CNTN4: variants seen among roughly 807,000 people sequenced by gnomAD.
The protein encoded by CNTN4 is contactin 4, also known as contactin-4.
Under a neutral mutation model 122.5 loss-of-function variants are expected in CNTN4, and 77 were observed. The ratio of observed to expected loss-of-function variants is 0.63; its 90% confidence interval spans 0.52 to 0.76. The LOEUF (loss-of-function observed/expected upper bound fraction) is 0.76, where lower values mean the gene tolerates loss of function less well. Ranked by LOEUF, CNTN4 falls within the 30% of genes least tolerant of loss-of-function variation. CNTN4 has a pLI of 0.00. For synonymous variants in CNTN4, 512 were observed against 447.0 expected, an observed-to-expected ratio of 1.15 and a Z score of -1.83; for missense variants, 1,256 against 1,259.1, an observed-to-expected ratio of 1.00 and a Z score of 0.04.
At chr3:2,985,912 CTTT>C (rs762011820) in intron 13 of CNTN4, among the ~76,000 whole-genome samples, 12 of 129,902 alleles carry the variant, frequency 9.2e-5, no homozygotes, top group South Asian at 2.4e-4. Context: ...TAAGAGAATA[CTTT>C]TTTTTTTTTT....
chr3:2,627,490 CTTTT>C (rs869106549), intron 4 of CNTN4, among the ~76,000 whole-genome samples: 2 of 116,220 alleles, frequency 1.7e-5, no homozygotes, highest in East Asian at 2.7e-4. Flanking sequence ...CATTAAGTGT[CTTTT>C]TTTTTTTTTT....
chr3:2,573,924 A>C (rs2079539928), intron 4 of CNTN4, among the ~76,000 whole-genome samples: 1 of 152,080 alleles, frequency 6.6e-6, no homozygotes. Context: ...TTGATTTTTT[A>C]AACTGCTTTA....
intron 2 of CNTN4, among the ~76,000 whole-genome samples, chr3:2,290,274 G>C (rs548689369): frequency 6.6e-6 from 1 of 152,156 alleles, no homozygotes; most frequent in African/African-American, 2.4e-5. Context: ...ATGCAGGAAG[G>C]GGGAAGCCAG....
intron 10 of CNTN4, among the ~76,000 whole-genome samples, chr3:2,895,714 TA>T (rs377719667): frequency 4.6e-5 from 7 of 152,152 alleles, no homozygotes; most frequent in African/African-American, 1.7e-4. Flanking sequence ...AGAGACAATC[TA>T]AAGGCTAAAG....
chr3:2,955,279 G>T (rs344410), intron 13 of CNTN4, among the ~76,000 whole-genome samples: 82,074 of 152,008 alleles, frequency 0.54, 22,698 homozygotes, highest in East Asian at 0.74. Flanking sequence ...AGGCTAAAGT[G>T]CACCTAAATC....
At chr3:2,611,150 A>G (rs1299243056) in intron 4 of CNTN4, among the ~76,000 whole-genome samples, 2 of 151,972 alleles carry the variant, frequency 1.3e-5, no homozygotes, top group Non-Finnish European at 2.9e-5. Context: ...GGCAAGTTAC[A>G]TTGATTCAAA....
intron 6 of CNTN4, among the ~76,000 whole-genome samples, chr3:2,758,556 C>G (rs1296379954): frequency 1.4e-5 from 2 of 141,884 alleles, no homozygotes; most frequent in African/African-American, 5.2e-5. Context: ...CTCCCTCTGT[C>G]TGCTGGCGTG....
At chr3:2,773,783 C>T (rs1374948411) in intron 6 of CNTN4, among the ~76,000 whole-genome samples, 121 of 8,862 alleles carry the variant, frequency 0.014, no homozygotes, top group Non-Finnish European at 0.023. Flanking sequence ...TTTTTTGAGA[C>T]GGAGTCTCCC....
At chr3:2,765,737 T>C (rs1197664492) in intron 6 of CNTN4, among the ~76,000 whole-genome samples, 2 of 152,200 alleles carry the variant, frequency 1.3e-5, no homozygotes, top group Non-Finnish European at 2.9e-5. Context: ...TCCTACAGAT[T>C]GATAAAGCAA....
chr3:2,392,832 C>G (rs1450535962), intron 3 of CNTN4, among the ~76,000 whole-genome samples: 1 of 152,038 alleles, frequency 6.6e-6, no homozygotes, highest in African/African-American at 2.4e-5. Context: ...AACAAAGTAC[C>G]ACAAACTGGG....
rs887688987 is a variant in CNTN4, at chr3:2,925,894, T to G, written c.1358+115T>G. On this transcript the variant is annotated intron_variant, in intron 13 of 24. Coordinates refer to ENST00000418658, the MANE Select transcript of CNTN4 (RefSeq NM_175607.3). ...TATCTGCTGTTCCTGAACTAAGTGT[T>G]AAAAAAAGAACAGAAGCTTTGGAAG... is the stretch of plus-strand genomic sequence containing the variant. 8.0e-6 allele frequency: 7 copies of G among 877,354 alleles called. No individual in the cohort carries two copies. In the African/African-American group the frequency reaches 1.0e-4, roughly 13 times the overall value. 54.3% of individuals were successfully genotyped at this position (877,354 alleles called of 1,614,324 possible). A position where few individuals can be genotyped will look rare whatever the true frequency, so the allele number is the denominator to read the frequency against.
Position 2,385,854 on chromosome 3 carries a change from C to A in CNTN4, c.-89+46621C>A, listed in dbSNP as rs574538186. On this transcript the variant is annotated intron_variant, in intron 3 of 24. Transcript: ENST00000418658. The surrounding 1 kb of genome is among the most constrained non-coding windows in gnomAD (Gnocchi z 4.0). ...TCACACGTACCAGGGGTCAAGACTT[C>A]AACACATCTTTTTAGCGACACAATT... Among the ~76,000 whole-genome samples, 27 of 152,168 alleles carry A rather than the reference C, an allele frequency of 1.8e-4. No homozygotes were observed. The highest frequency in any genetic ancestry group is 6.3e-4 in the African/African-American group (26 of 41,540).
At chr3:2,443,102 C>G (rs1185638643) in intron 3 of CNTN4, among the ~76,000 whole-genome samples, 2 of 151,056 alleles carry the variant, frequency 1.3e-5, no homozygotes, top group Non-Finnish European at 2.9e-5. Flanking sequence ...GTGTGTTTAC[C>G]TGTGTAACAA....
rs567713989 is a variant in CNTN4 at position 2,644,128 on chromosome 3, C to A, written c.55+72570C>A. On this transcript the variant is annotated intron_variant, in intron 4 of 24. Coordinates refer to ENST00000418658, the MANE Select transcript of CNTN4 (RefSeq NM_175607.3). ...GGGCATCTGTCCCCATGTCCTGCCC[C>A]CCAGTGTGTGTTCTTCCTTAAATAA... 2.2e-4 allele frequency among the ~76,000 whole-genome samples: 33 copies of A among 152,250 alleles called. 1 individual carries two copies. The South Asian group carries it at 6.8e-3, about 32-fold the overall frequency.
chr3:2,409,083 T>C (rs1339217033), intron 3 of CNTN4, among the ~76,000 whole-genome samples: 1 of 152,136 alleles, frequency 6.6e-6, no homozygotes, highest in African/African-American at 2.4e-5. Context: ...TAGCTGTGTC[T>C]CTACACCCAG....
chr3:2,235,883 G>A (rs1235288002), intron 2 of CNTN4, among the ~76,000 whole-genome samples: 3 of 152,076 alleles, frequency 2.0e-5, no homozygotes, highest in Non-Finnish European at 4.4e-5. Flanking sequence ...ATACAAATAC[G>A]AGGCATTATC....
At chr3:2,764,747 A>G (rs984725495) in intron 6 of CNTN4, among the ~76,000 whole-genome samples, 1 of 152,218 alleles carries the variant, frequency 6.6e-6, no homozygotes, top group Non-Finnish European at 1.5e-5. Flanking sequence ...ACCTGTAACA[A>G]TAACAGGAGC....
rs17024853 is a variant in CNTN4 at position 3,023,915 on chromosome 3, C to T, written c.1487-2187C>T. Reference sequence around the variant, plus strand: ...TTTTCAGTGAAAAGAAAGGCAGAATCGCACAACAGACAATATCTTAATGAC... The same window carrying T: ...TTTTCAGTGAAAAGAAAGGCAGAATTGCACAACAGACAATATCTTAATGAC... On this transcript the variant is annotated intron_variant, in intron 14 of 24. Transcript: ENST00000418658. Among the ~76,000 whole-genome samples the T allele has an allele frequency of 3.5e-3, 529 of 152,292 alleles. 3 individuals carry two copies. Among genetic ancestry groups the T allele is most frequent in the African/African-American group, 0.012 (492 of 41,560 alleles).
At chr3:2,397,569 A>G (rs924811682) in intron 3 of CNTN4, among the ~76,000 whole-genome samples, 4 of 152,130 alleles carry the variant, frequency 2.6e-5, no homozygotes, top group African/African-American at 9.7e-5. Flanking sequence ...TATCAAATAC[A>G]GACTACAGTA....
Sources: allele counts gnomAD v4.1 joint callset (sites outside exome capture counted in the v4.1 genomes callset), GRCh38; gene constraint gnomAD v4.1.1; non-coding constraint Gnocchi (gnomAD v3.1); transcripts MANE v1.5; gene names NCBI Gene and HGNC (gene_info 2026-07-23, HGNC 2026-07-21).